Variants in PDE1A observed in about 807,000 individuals in gnomAD.
The protein encoded by PDE1A is phosphodiesterase 1A.
In PDE1A, 35 loss-of-function variants were observed where a neutral mutation model predicts 61.7. The observed-to-expected ratio is 0.57, with a 90% CI of 0.43 to 0.75. The LOEUF (loss-of-function observed/expected upper bound fraction) is 0.75, where lower values mean the gene tolerates loss of function less well. Among genes scored for constraint, PDE1A ranks in the 30% least tolerant of loss-of-function variants. PDE1A has a pLI of 0.00. For missense variants in PDE1A, 597 were observed against 630.6 expected (o/e 0.95, Z 0.57); for synonymous variants, 232 against 213.2 (o/e 1.09, Z -0.77).
chr2:182,654,082 T>C, the PDE1A span, among the ~76,000 whole-genome samples: 1 of 152,210 alleles, frequency 6.6e-6, no homozygotes. Flanking sequence ...AGTGACTGTA[T>C]ACTACTGTCC....
At chr2:182,176,314 T>C (rs2125347993) in intron 13 of PDE1A, among the ~76,000 whole-genome samples, 1 of 149,680 alleles carries the variant, frequency 6.7e-6, no homozygotes, top group South Asian at 2.1e-4. Flanking sequence ...TTCCTACCCA[T>C]GAGCATGGAA....
At chr2:182,334,820 G>C (rs1052503742) in intron 1 of PDE1A, among the ~76,000 whole-genome samples, 1 of 152,174 alleles carries the variant, frequency 6.6e-6, no homozygotes, top group Non-Finnish European at 1.5e-5. Flanking sequence ...CAAATAGGAA[G>C]AGAGGAAGTC....
At chr2:182,272,017 A>T (rs985264756) in intron 1 of PDE1A, among the ~76,000 whole-genome samples, 1 of 152,170 alleles carries the variant, frequency 6.6e-6, no homozygotes, top group African/African-American at 2.4e-5. Flanking sequence ...ATGTCAACAG[A>T]AGGGGTAGAG....
At chr2:182,422,625 T>C (rs1338541471) in intron 1 of PDE1A, among the ~76,000 whole-genome samples, 1 of 152,234 alleles carries the variant, frequency 6.6e-6, no homozygotes, top group African/African-American at 2.4e-5. Flanking sequence ...TCTTCAACAA[T>C]TATTTTACTA....
chr2:182,602,051 G>A, the PDE1A span, among the ~76,000 whole-genome samples: 3 of 152,210 alleles, frequency 2.0e-5, no homozygotes, highest in African/African-American at 7.2e-5. Flanking sequence ...GAATCTGCCT[G>A]CCTCCTGCTG....
chr2:182,267,815 T>A (rs300887), intron 1 of PDE1A, among the ~76,000 whole-genome samples: 196 of 152,192 alleles, frequency 1.3e-3, no homozygotes, highest in African/African-American at 4.5e-3. Flanking sequence ...AACATCTTCA[T>A]GAATAATTTT....
intron 1 of PDE1A, among the ~76,000 whole-genome samples, chr2:182,341,657 T>A (rs925336044): frequency 1.3e-5 from 2 of 152,238 alleles, no homozygotes; most frequent in African/African-American, 4.8e-5. Context: ...GTAACTTCAC[T>A]GAGTGAGCAA....
intron 1 of PDE1A, among the ~76,000 whole-genome samples, chr2:182,386,644 C>A (rs540302242): frequency 3.5e-4 from 53 of 151,906 alleles, no homozygotes; most frequent in African/African-American, 1.3e-3. Context: ...AGCCCCTCCG[C>A]CCGGCAGCCG....
upstream of PDE1A, among the ~76,000 whole-genome samples, chr2:182,524,590 T>C (rs1377869572): frequency 6.6e-6 from 1 of 152,110 alleles, no homozygotes; most frequent in Non-Finnish European, 1.5e-5. Flanking sequence ...TCATTAAATG[T>C]TTCATAAAAT....
intron 13 of PDE1A, among the ~76,000 whole-genome samples, chr2:182,169,916 ACACACG>A (rs765537051): frequency 0.31 from 36,767 of 119,642 alleles, 5,507 homozygotes; most frequent in East Asian, 0.41. Context: ...ACACACACAC[ACACACG>A]CACACACACA....
chr2:182,590,838 A>AG, the PDE1A span, among the ~76,000 whole-genome samples: 1 of 152,146 alleles, frequency 6.6e-6, no homozygotes, highest in Non-Finnish European at 1.5e-5. Context: ...GCACCCACTA[A>AG]TTTGCACTGG....
the PDE1A span, among the ~76,000 whole-genome samples, chr2:182,674,567 C>A: frequency 3.2e-5 from 1 of 31,122 alleles, no homozygotes; most frequent in Admixed American, 4.7e-4. Context: ...TAATCCCATT[C>A]ACAGATACAT....
At chr2:182,672,555 C>T in the PDE1A span, among the ~76,000 whole-genome samples, 918 of 152,258 alleles carry the variant, frequency 6.0e-3, 14 homozygotes, top group African/African-American at 0.021. Flanking sequence ...AGAAAAAACA[C>T]ACATAGACTA....
the PDE1A span, among the ~76,000 whole-genome samples, chr2:182,626,465 T>A: frequency 4.6e-5 from 7 of 151,946 alleles, no homozygotes; most frequent in Admixed American, 3.3e-4. Context: ...CCATTGCTTT[T>A]GAAAATTCTG....
At chr2:182,222,043 T>A (rs768822819) in intron 7 of PDE1A, among the ~76,000 whole-genome samples, 3 of 151,638 alleles carry the variant, frequency 2.0e-5, no homozygotes, top group Admixed American at 6.6e-5. Flanking sequence ...TTGTTAAAAA[T>A]ATATATATAT....
intron 2 of PDE1A, among the ~76,000 whole-genome samples, chr2:182,441,122 C>T (rs971619164): frequency 3.3e-5 from 5 of 151,966 alleles, no homozygotes; most frequent in East Asian, 1.9e-4. Flanking sequence ...GCAGGCAAGA[C>T]GGCTTGTGCA....
At position 182,516,702 on chromosome 2, in the gene PDE1A, G is replaced by GGAAGGAAGGA. The variant is rs1690179893; in HGVS notation, c.101+5573_101+5574insTCCTTCCTTC. ...GAGGGAAGGAGGGAAGGGAGGAAGG[G>GGAAGGAAGGA]AGGAAGGAAGGAAGGAAGGAAGGAA... On this transcript the variant is annotated intron_variant, in intron 2 of 14. Transcript: ENST00000410103. 9.4e-5 allele frequency among the ~76,000 whole-genome samples: 11 copies of GGAAGGAAGGA among 116,850 alleles called. No individual in the cohort carries two copies. In the South Asian group the frequency reaches 2.6e-3, roughly 27 times the overall value. 76.7% of individuals were successfully genotyped at this position (116,850 alleles called of 152,430 possible). A position where few individuals can be genotyped will look rare whatever the true frequency, so the allele number is the denominator to read the frequency against.
In PDE1A at chr2:182,519,443, A is replaced by G. The variant is rs1300708662; in HGVS notation, c.101+2833T>C. Among the ~76,000 whole-genome samples the G allele has an allele frequency of 2.0e-5, 3 of 152,020 alleles. No individual in the cohort carries two copies. The East Asian group carries it at 5.8e-4, about 29-fold the overall frequency. ...AAAAGATAAATAAAAAGATTGTAAT[A>G]TAAGAAGAAAATTAATAGACTAATG... On this transcript the variant is annotated intron_variant, in intron 2 of 14. Coordinates refer to the PDE1A transcript ENST00000410103.
intron 1 of PDE1A, among the ~76,000 whole-genome samples, chr2:182,355,439 T>C (rs1699122926): frequency 6.6e-6 from 1 of 152,084 alleles, no homozygotes; most frequent in African/African-American, 2.4e-5. Context: ...TTAAATTTTA[T>C]GCTATTTTGA....
Sources: gnomAD v4.1 joint callset for allele counts (sites outside exome capture counted in the v4.1 genomes callset) on GRCh38, gnomAD v4.1.1 for gene constraint, MANE v1.5 for transcripts, NCBI Gene and HGNC (gene_info 2026-07-23, HGNC 2026-07-21) for gene names.